RNLS: variants seen among roughly 807,000 people sequenced by gnomAD.
RNLS encodes renalase, FAD dependent amine oxidase, also known as renalase.
A neutral mutation model predicts 39.8 loss-of-function variants in RNLS; 39 were observed. The ratio of observed to expected loss-of-function variants is 0.98; its 90% CI spans 0.76 to 1.28. RNLS has a LOEUF of 1.28. Ranked by LOEUF, RNLS falls within the 50% of genes most tolerant of loss-of-function variation. The pLI is 0.00. For missense variants in RNLS, 410 were observed against 413.3 expected (o/e 0.99, Z 0.07); for synonymous variants, 147 against 150.7 (o/e 0.98, Z 0.18).
At chr10:88,203,364 GTGTGTATATATA>G in the RNLS span, among the ~76,000 whole-genome samples, 3 of 13,378 alleles carry the variant, frequency 2.2e-4, 1 homozygote, top group Admixed American at 2.0e-3. Flanking sequence ...ATACGTATGT[GTGTGTATATATA>G]TATATATATA....
chr10:88,172,401 T>G, the RNLS span, among the ~76,000 whole-genome samples: 2 of 152,334 alleles, frequency 1.3e-5, no homozygotes, highest in Admixed American at 1.3e-4. Context: ...TCATTGTGGT[T>G]TTGATTTGCA....
At chr10:88,385,906 T>C (rs777094384) in intron 4 of RNLS, among the ~76,000 whole-genome samples, 1 of 152,242 alleles carries the variant, frequency 6.6e-6, no homozygotes, top group Non-Finnish European at 1.5e-5. Flanking sequence ...TGCAAAACTT[T>C]AATTATTACT....
At position 88,461,135 on chromosome 10, in the gene RNLS, T is replaced by G. The variant is rs117263041; in HGVS notation, c.527-98410A>C. Among the ~76,000 whole-genome samples the G allele has an allele frequency of 5.4e-3, 824 of 152,252 alleles. 5 individuals carry two copies. The highest frequency in any genetic ancestry group is 7.3e-3 in the Non-Finnish European group (495 of 68,006). ...TTTCTCCACAGTGCCAATCTGCCCT[T>G]AGCTTTTGGGGACATGCAATGGCTA... On this transcript the variant is annotated intron_variant, in intron 4 of 6. Coordinates refer to ENST00000331772, the MANE Select transcript of RNLS (RefSeq NM_001031709.3).
intron 4 of RNLS, among the ~76,000 whole-genome samples, chr10:88,531,068 A>G (rs1278825621): frequency 6.6e-6 from 1 of 152,150 alleles, no homozygotes; most frequent in African/African-American, 2.4e-5. Context: ...GTATTATTTA[A>G]TAGAAGTTAA....
intron 4 of RNLS, among the ~76,000 whole-genome samples, chr10:88,544,758 A>G (rs1025359970): frequency 7.9e-5 from 12 of 152,224 alleles, no homozygotes; most frequent in Admixed American, 3.9e-4. Flanking sequence ...CACAACTTCA[A>G]TTCCTTAAAT....
chr10:88,417,723 T>C (rs144069888), intron 4 of RNLS, among the ~76,000 whole-genome samples: 1 of 152,172 alleles, frequency 6.6e-6, no homozygotes, highest in Non-Finnish European at 1.5e-5. Flanking sequence ...ACATCTAGCC[T>C]AGAGGATGGG....
chr10:88,478,990 C>T (rs886113170), intron 4 of RNLS, among the ~76,000 whole-genome samples: 17 of 152,072 alleles, frequency 1.1e-4, no homozygotes, highest in African/African-American at 3.6e-4. Flanking sequence ...CTGTCATTAA[C>T]TAGGTACTAT....
chr10:88,321,041 T>C (rs1846150664), intron 5 of RNLS, among the ~76,000 whole-genome samples: 1 of 152,020 alleles, frequency 6.6e-6, no homozygotes, highest in Non-Finnish European at 1.5e-5. Context: ...ATTGACTATA[T>C]GATTGGCCAT....
At chr10:88,526,836 T>G (rs2134222331) in intron 4 of RNLS, among the ~76,000 whole-genome samples, 1 of 151,780 alleles carries the variant, frequency 6.6e-6, no homozygotes, top group African/African-American at 2.4e-5. Context: ...GAAAGCTCAA[T>G]TCTAAGTTTG....
At chr10:88,349,385 T>C (rs1025396220) in intron 5 of RNLS, among the ~76,000 whole-genome samples, 2 of 152,192 alleles carry the variant, frequency 1.3e-5, no homozygotes, top group African/African-American at 4.8e-5. Context: ...GAAAGGGGTC[T>C]GTTGTTTGTT....
chr10:88,309,331 T>C, intron 6 of RNLS: 2 of 1,067,994 alleles, frequency 1.9e-6, no homozygotes, highest in Non-Finnish European at 2.5e-6. Context: ...AAGAAAAAAT[T>C]AAAATATCAA....
At chr10:88,351,794 C>A (rs924860763) in intron 5 of RNLS, among the ~76,000 whole-genome samples, 10 of 152,150 alleles carry the variant, frequency 6.6e-5, no homozygotes, top group African/African-American at 2.4e-4. Context: ...TTACCTTGGG[C>A]AGTATGGCCA....
chr10:88,568,948 G>T (rs544547926), intron 4 of RNLS, among the ~76,000 whole-genome samples: 1 of 152,132 alleles, frequency 6.6e-6, no homozygotes, highest in South Asian at 2.1e-4. Flanking sequence ...TGCATACCTC[G>T]ATACAACCAG....
chr10:88,269,405 A>C (rs1842588091), downstream of RNLS, among the ~76,000 whole-genome samples: 1 of 152,134 alleles, frequency 6.6e-6, no homozygotes, highest in South Asian at 2.1e-4. Flanking sequence ...CTCCCTCCCT[A>C]ATTTCATGTT....
At chr10:88,553,831 C>A (rs1217856506) in intron 4 of RNLS, among the ~76,000 whole-genome samples, 1 of 152,092 alleles carries the variant, frequency 6.6e-6, no homozygotes, top group East Asian at 1.9e-4. Flanking sequence ...AGAAAAACAT[C>A]CAGATGCCTA....
At chr10:88,214,497 TCAAAAAA>T in the RNLS span, among the ~76,000 whole-genome samples, 1 of 22,682 alleles carries the variant, frequency 4.4e-5, no homozygotes. Context: ...AGACTCCGTC[TCAAAAAA>T]AAAAAAAAAA....
At chr10:88,556,285 T>C (rs111748375) in intron 4 of RNLS, among the ~76,000 whole-genome samples, 1,688 of 152,278 alleles carry the variant, frequency 0.011, 35 homozygotes, top group South Asian at 0.076. Flanking sequence ...CTGAACCCTT[T>C]AGAATTGATG....
intron 4 of RNLS, among the ~76,000 whole-genome samples, chr10:88,531,281 TA>T (rs1847408865): frequency 7.3e-6 from 1 of 136,358 alleles, no homozygotes; most frequent in Admixed American, 7.3e-5. Context: ...AAGAGAAACA[TA>T]AAAGCAGAAG....
At chr10:88,366,663 GAAAAA>G (rs774157650) in intron 4 of RNLS, among the ~76,000 whole-genome samples, 2 of 25,832 alleles carry the variant, frequency 7.7e-5, no homozygotes, top group Admixed American at 6.5e-4. Flanking sequence ...TAAGTTTTCT[GAAAAA>G]AAAAAAAAAA....
Sources: allele counts gnomAD v4.1 joint callset (sites outside exome capture counted in the v4.1 genomes callset), GRCh38; gene constraint gnomAD v4.1.1; transcripts MANE v1.5; gene names NCBI Gene and HGNC (gene_info 2026-07-23, HGNC 2026-07-21).